The following MFSD11 variants were observed in gnomAD, a reference collection of about 807,000 sequenced individuals.
MFSD11 encodes UNC93-like protein MFSD11.
In MFSD11, 36 loss-of-function variants were observed where a neutral mutation model predicts 53.5. The ratio of observed to expected loss-of-function variants is 0.67; its 90% CI spans 0.52 to 0.89. The LOEUF (loss-of-function observed/expected upper bound fraction) is 0.89, where lower values mean the gene tolerates loss of function less well. Among genes scored for constraint, MFSD11 ranks in the 40% least tolerant of loss-of-function variants. The probability of loss-of-function intolerance (pLI) is 0.00; values close to 1 mark genes in which losing one functional copy is unlikely to be tolerated. For missense variants in MFSD11, 530 were observed against 543.9 expected (o/e 0.97, Z 0.25); for synonymous variants, 186 against 184.9 (o/e 1.01, Z -0.05).
chr17:76,781,372 AC>A (rs2082161064), downstream of MFSD11: 1 of 152,216 alleles, frequency 6.6e-6, no homozygotes, highest in Non-Finnish European at 1.5e-5. Context: ...CGAGAGCAAG[AC>A]AAAAGCCGCA....
Position 76,738,420 on chromosome 17 carries a change from C to T in MFSD11, c.68C>T (p.Thr23Ile). Residue 23 changes from threonine to isoleucine, a missense_variant, in exon 1 of 13, where the codon ACT becomes ATT. By Grantham distance (89) the Thr-to-Ile change is moderately conservative (BLOSUM62 -1). Coordinates refer to ENST00000685175, the MANE Select transcript of MFSD11 (RefSeq NM_001242532.5). ...ILGVAFMFMF[T>I]AFQTCGNVAQ... is the part of the protein sequence containing the mutation. ...GGAGTTGCCTTTATGTTTATGTTCA[C>T]TGCCTTTCAAACTTGTGGAAATGTG... 1 of 1,614,066 alleles carries T rather than the reference C, an allele frequency of 6.2e-7. No individual in the cohort carries two copies. Among genetic ancestry groups the T allele is most frequent in the Non-Finnish European group, 8.5e-7 (1 of 1,179,900 alleles).
chr17:76,779,755 G>C (rs2082110675), downstream of MFSD11, among the ~76,000 whole-genome samples: 2 of 152,212 alleles, frequency 1.3e-5, no homozygotes, highest in Admixed American at 1.3e-4. Flanking sequence ...AAAGTGCTGG[G>C]ATTGCAGGGG....
chr17:76,765,898 TC>T (rs1348253434), intron 8 of MFSD11, among the ~76,000 whole-genome samples: 8 of 151,670 alleles, frequency 5.3e-5, no homozygotes, highest in African/African-American at 1.9e-4. Flanking sequence ...GTATGGAACT[TC>T]CCTCTGTTAT....
At position 76,776,665 on chromosome 17, in the gene MFSD11, G is replaced by C; in HGVS notation, c.1185+124G>C. The C allele has an allele frequency of 3.1e-6, 3 of 970,340 alleles. No homozygotes were observed. The highest frequency in any genetic ancestry group is 4.2e-6 in the Non-Finnish European group (3 of 706,830). 60.1% of individuals were successfully genotyped at this position (970,340 alleles called of 1,614,324 possible). A position where few individuals can be genotyped will look rare whatever the true frequency, so the allele number is the denominator to read the frequency against. On this transcript the variant is annotated intron_variant, in intron 12 of 12. Coordinates refer to ENST00000685175, the MANE Select transcript of MFSD11 (RefSeq NM_001242532.5). This position sits in a 1 kb window ranked among gnomAD's most constrained non-coding sequence, Gnocchi z 4.2. ...TTTATTTATTTTTATTTTTTTGATA[G>C]AGTCTCTCTCTGTCACTCAGGCTGG...
chr17:76,791,286 G>A, the MFSD11 span, among the ~76,000 whole-genome samples: 1 of 149,002 alleles, frequency 6.7e-6, no homozygotes, highest in Non-Finnish European at 1.5e-5. Flanking sequence ...GCTCCTTTGA[G>A]CATTTATTTT....
chr17:76,787,260 C>T, the MFSD11 span, among the ~76,000 whole-genome samples: 149 of 132,850 alleles, frequency 1.1e-3, 1 homozygote, highest in Middle Eastern at 0.012. Context: ...CTCAGGCTCC[C>T]GAGTAGCTGG....
chr17:76,803,626 G>T, the MFSD11 span, among the ~76,000 whole-genome samples: 1 of 151,924 alleles, frequency 6.6e-6, no homozygotes, highest in African/African-American at 2.4e-5. Flanking sequence ...CCTGGGAATT[G>T]ACTCCAGCAC....
At chr17:76,742,302 C>G (rs2078164343) in intron 5 of MFSD11, 29 bp downstream of exon 5, 2 of 1,569,544 alleles carry the variant, frequency 1.3e-6, no homozygotes, top group Non-Finnish European at 1.7e-6. Context: ...TTCAGTCTTT[C>G]CTTTTCTTTC....
At chr17:76,783,479 G>A (rs1395129999), downstream of MFSD11, among the ~76,000 whole-genome samples, 1 of 152,142 alleles carries the variant, frequency 6.6e-6, no homozygotes, top group Non-Finnish European at 1.5e-5. Flanking sequence ...GGCTTCGGCT[G>A]CCCACACAGG....
downstream of MFSD11, among the ~76,000 whole-genome samples, chr17:76,782,813 C>T (rs1408027825): frequency 1.3e-5 from 2 of 151,922 alleles, no homozygotes; most frequent in Non-Finnish European, 2.9e-5. Context: ...TAGTTTTGAT[C>T]TTGGTTGACT....
upstream of MFSD11, chr17:76,736,655 G>T (rs989848999): frequency 1.5e-5 from 18 of 1,186,524 alleles, no homozygotes; most frequent in East Asian, 5.8e-4. Context: ...AAGCTCGCGG[G>T]GTGGCCGGAG....
downstream of MFSD11, among the ~76,000 whole-genome samples, chr17:76,782,897 G>A (rs888728609): frequency 4.0e-5 from 6 of 151,846 alleles, no homozygotes; most frequent in African/African-American, 1.5e-4. Context: ...TGAAATGTGG[G>A]GCCAGGCACG....
the MFSD11 span, among the ~76,000 whole-genome samples, chr17:76,798,363 C>T: frequency 2.0e-5 from 3 of 152,146 alleles, no homozygotes; most frequent in East Asian, 1.9e-4. Flanking sequence ...AAGCTCATCA[C>T]GTCTCCAGAT....
intron 8 of MFSD11, among the ~76,000 whole-genome samples, chr17:76,765,639 T>C (rs1010204420): frequency 2.0e-5 from 3 of 151,770 alleles, no homozygotes; most frequent in Non-Finnish European, 4.4e-5. Context: ...ATTTTTGTAG[T>C]GTTTTGTAGA....
chr17:76,744,836 A>T (rs2078400236), intron 7 of MFSD11, among the ~76,000 whole-genome samples: 4 of 152,218 alleles, frequency 2.6e-5, no homozygotes, highest in Admixed American at 2.6e-4. Flanking sequence ...TGTTTCTGTG[A>T]TCCAGCTCTA....
rs566815395 is a variant in MFSD11 at position 76,758,009 on chromosome 17, C to CA, written c.682+3932dup. On this transcript the variant is annotated intron_variant, in intron 8 of 12. Transcript: ENST00000685175. ...TGGGTGACAGAGCGAGACTGTGTCTCAAAAAAAAAACAAAAAATGTTCTCA... is the reference window on the plus strand; with the variant it reads ...TGGGTGACAGAGCGAGACTGTGTCTCAAAAAAAAAAACAAAAAATGTTCTCA... Among the ~76,000 whole-genome samples, 751 of 136,580 alleles carry CA rather than the reference C, an allele frequency of 5.5e-3. 6 individuals carry two copies. Among genetic ancestry groups the CA allele is most frequent in the African/African-American group, 0.018 (660 of 37,052 alleles). The allele number at this position is 136,580 out of a possible 152,430, so 89.6% of individuals were successfully genotyped here.
chr17:76,759,558 G>A (rs942485624), intron 8 of MFSD11, among the ~76,000 whole-genome samples: 20 of 151,968 alleles, frequency 1.3e-4, no homozygotes, highest in Admixed American at 6.6e-5. Flanking sequence ...AGGTTTAAGC[G>A]ATTCTCCTGC....
In MFSD11 at chr17:76,742,016, CA is replaced by C; in HGVS notation, c.309del (p.Ala104ProfsTer20). On this transcript the variant is annotated frameshift_variant, in exon 4 of 13. Transcript: ENST00000685175. LOFTEE classifies it high-confidence loss of function. ...CAGCCTTTCCCGTGGTCCTTCTACA[CA>C]GCCTCTGTTTTCATTGGAATTGCTG... ...FIQPFPWSFY[T>X]ASVFIGIAAA... 1 of 1,614,172 alleles carries C rather than the reference CA, an allele frequency of 6.2e-7. No homozygotes were observed. The highest frequency in any genetic ancestry group is 8.5e-7 in the Non-Finnish European group (1 of 1,180,028).
At position 76,759,268 on chromosome 17, in the gene MFSD11, C is replaced by A. The variant is rs565232724; in HGVS notation, c.682+5181C>A. On this transcript the variant is annotated intron_variant, in intron 8 of 12. Coordinates refer to ENST00000685175, the MANE Select transcript of MFSD11 (RefSeq NM_001242532.5). ...GAACTTGTCCCAAAAAAATAAAATA[C>A]AATAAAATATATTTCTTTTTCTTTT... 7.8e-4 allele frequency among the ~76,000 whole-genome samples: 118 copies of A among 151,550 alleles called. No homozygotes were observed. In the South Asian group the frequency reaches 0.012, roughly 16 times the overall value.
Sources: gnomAD v4.1 joint callset for allele counts (sites outside exome capture counted in the v4.1 genomes callset) on GRCh38, gnomAD v4.1.1 for gene constraint, Gnocchi (gnomAD v3.1) non-coding constraint, MANE v1.5 for transcripts, NCBI Gene and HGNC (gene_info 2026-07-23, HGNC 2026-07-21) for gene names.